WDFY4: variants seen among roughly 807,000 people sequenced by gnomAD.
WDFY4 encodes WD repeat- and FYVE domain-containing protein 4.
In WDFY4, 169 loss-of-function variants were observed where a neutral mutation model predicts 351.9. The observed-to-expected ratio is 0.48, with a 90% CI of 0.42 to 0.55. WDFY4 has a LOEUF of 0.55. Ranked by LOEUF, WDFY4 falls within the 20% of genes least tolerant of loss-of-function variation. The pLI, the probability that WDFY4 is intolerant of heterozygous loss-of-function variation, is 0.00. For missense variants in WDFY4, 3,803 were observed against 3,935.6 expected (o/e 0.97, Z 0.90); for synonymous variants, 1,622 against 1,574.6 (o/e 1.03, Z -0.71).
intron 47 of WDFY4, among the ~76,000 whole-genome samples, chr10:48,903,830 G>A (rs973385736): frequency 6.6e-5 from 10 of 152,342 alleles, no homozygotes; most frequent in Middle Eastern, 3.4e-3. Flanking sequence ...TTAAAGTGAT[G>A]AGAATGGGCA....
At chr10:48,851,724 G>A (rs565431515) in intron 39 of WDFY4, among the ~76,000 whole-genome samples, 3 of 152,234 alleles carry the variant, frequency 2.0e-5, no homozygotes, top group African/African-American at 4.8e-5. Flanking sequence ...TGTTTCCTGC[G>A]GGACAGCTTG....
At chr10:48,733,225 C>T (rs2064529623) in intron 9 of WDFY4, among the ~76,000 whole-genome samples, 1 of 152,168 alleles carries the variant, frequency 6.6e-6, no homozygotes, top group East Asian at 1.9e-4. Context: ...TCTAGTCTTA[C>T]TTCATACTTT....
At chr10:48,690,275 A>G (rs1313246303) in intron 1 of WDFY4, among the ~76,000 whole-genome samples, 2 of 152,220 alleles carry the variant, frequency 1.3e-5, no homozygotes, top group African/African-American at 2.4e-5. Flanking sequence ...TAGGTCTGAT[A>G]CTTTAAGGAA....
In WDFY4 at chr10:48,865,123, T is replaced by A. The variant is rs189316786; in HGVS notation, c.6664-2142T>A. Among the ~76,000 whole-genome samples, 204 of 152,326 alleles carry A rather than the reference T, an allele frequency of 1.3e-3. 3 individuals are homozygous for A. The East Asian group carries it at 0.028, about 21-fold the overall frequency. The stretch of plus-strand genomic sequence containing the variant: ...TGTCTAGAAGTGTTGAAAGTGGACA[T>A]CCTTGTCTTGTTCCTGATGTTAAGG... On this transcript the variant is annotated intron_variant, in intron 39 of 61. Transcript: ENST00000325239.
At chr10:48,700,206 CT>C (rs2063440567) in intron 1 of WDFY4, among the ~76,000 whole-genome samples, 1 of 152,216 alleles carries the variant, frequency 6.6e-6, no homozygotes, top group Non-Finnish European at 1.5e-5. Flanking sequence ...TCAATCAGCT[CT>C]TTCCCCAAGG....
intron 36 of WDFY4, among the ~76,000 whole-genome samples, chr10:48,828,147 A>G (rs1163265854): frequency 1.3e-5 from 2 of 152,244 alleles, no homozygotes; most frequent in African/African-American, 4.8e-5. Flanking sequence ...TTTGTGTCAT[A>G]ATGGCCACGT....
At chr10:48,865,226 T>C (rs983673419) in intron 39 of WDFY4, among the ~76,000 whole-genome samples, 3 of 152,190 alleles carry the variant, frequency 2.0e-5, no homozygotes, top group Admixed American at 6.5e-5. Flanking sequence ...CTTTATGAGA[T>C]TGAGAAAATT....
rs11814438 is a variant in WDFY4, at chr10:48,737,503, G to A, written c.1878+1433G>A. ...ACTTACTTTATTTCTCTGCACATTC[G>A]ATGTCAGACATTGATGTGAGCTGTT... On this transcript the variant is annotated intron_variant, in intron 11 of 61. Coordinates refer to ENST00000325239, the MANE Select transcript of WDFY4 (RefSeq NM_001394531.1). Among the ~76,000 whole-genome samples the A allele has an allele frequency of 4.3e-3, 658 of 152,228 alleles. 6 individuals are homozygous for A. The highest frequency in any genetic ancestry group is 0.015 in the African/African-American group (622 of 41,510).
intron 47 of WDFY4, among the ~76,000 whole-genome samples, chr10:48,905,260 AG>A: frequency 6.6e-6 from 1 of 152,280 alleles, no homozygotes; most frequent in Admixed American, 6.5e-5. Context: ...CAGGTAGAGG[AG>A]GGGCAGAGGG....
chr10:48,885,728 C>G (rs1187911366), intron 43 of WDFY4, among the ~76,000 whole-genome samples: 14 of 135,604 alleles, frequency 1.0e-4, no homozygotes, highest in Non-Finnish European at 2.3e-4. Flanking sequence ...CTCTCTCTCT[C>G]TCTCTCTATA....
intron 47 of WDFY4, among the ~76,000 whole-genome samples, chr10:48,922,282 T>C (rs1052295392): frequency 1.3e-5 from 2 of 152,218 alleles, no homozygotes; most frequent in African/African-American, 2.4e-5. Flanking sequence ...TCATCCCTTT[T>C]TCCAGTGGAT....
At chr10:48,800,670 GTTTCTTTCTTTC>G (rs59039598) in intron 24 of WDFY4, among the ~76,000 whole-genome samples, 1,154 of 115,246 alleles carry the variant, frequency 0.01, 17 homozygotes, top group African/African-American at 0.016. Context: ...TTAGGTTTTG[GTTTCTTTCTTTC>G]TTTCTTTCTT....
At chr10:48,739,411 A>G (rs2064780416) in intron 11 of WDFY4, among the ~76,000 whole-genome samples, 1 of 152,238 alleles carries the variant, frequency 6.6e-6, no homozygotes, top group Non-Finnish European at 1.5e-5. Flanking sequence ...TCCCCTCCGC[A>G]GACTGAAAAC....
chr10:48,957,843 T>C (rs536938230), intron 52 of WDFY4, among the ~76,000 whole-genome samples: 1 of 152,196 alleles, frequency 6.6e-6, no homozygotes, highest in East Asian at 1.9e-4. Context: ...GAACAAACAA[T>C]CTAGGAGACC....
intron 8 of WDFY4, among the ~76,000 whole-genome samples, chr10:48,729,808 A>C (rs2064394639): frequency 6.6e-6 from 1 of 152,136 alleles, no homozygotes; most frequent in South Asian, 2.1e-4. Flanking sequence ...GGCAGCCTCT[A>C]CTTCTCTCCC....
In WDFY4 at chr10:48,788,623, C is replaced by A. The variant is rs182080956; in HGVS notation, c.3902C>A (p.Ala1301Glu). The change falls in exon 21 of 62, where the codon GCG (alanine) becomes GAG (glutamate). Residue 1301 changes from alanine to glutamate, a missense_variant. Ala to Glu is a moderately radical substitution (Grantham distance 107, BLOSUM62 -1). Around this residue, in one of 3 missense-constraint regions of WDFY4, gnomAD observed 3,054 missense variants for 3,148.6 expected, o/e 0.97. Transcript: ENST00000325239. ...GCCAGCTCCTCTATCACCAGTGTAG[C>A]GGACATCAGAAATGCTTACAATGAG... ...HIASSSITSVADIRNAYNEVD... is the reference protein window; with the variant it reads ...HIASSSITSVEDIRNAYNEVD... The A allele has an allele frequency of 6.4e-7, 1 of 1,551,754 alleles. No homozygotes were observed. The highest frequency in any genetic ancestry group is 1.2e-5 in the South Asian group (1 of 84,064).
chr10:48,897,625 T>C (rs373043221), intron 45 of WDFY4, 51 bp downstream of exon 45: 62 of 1,529,370 alleles, frequency 4.1e-5, no homozygotes, highest in African/African-American at 5.5e-5. Context: ...GGCAGGGCCA[T>C]GGGACAGGTG....
chr10:48,811,981 G>T (rs1290658369), intron 30 of WDFY4, among the ~76,000 whole-genome samples: 1 of 151,984 alleles, frequency 6.6e-6, no homozygotes, highest in African/African-American at 2.4e-5. Context: ...TTCCTTTTGG[G>T]CACAGCTAGG....
At chr10:48,830,980 C>T in intron 38 of WDFY4, 95 bp downstream of exon 38, 2 of 1,236,680 alleles carry the variant, frequency 1.6e-6, no homozygotes, top group South Asian at 1.6e-5. Flanking sequence ...GCCTTTTCCA[C>T]CTGGACCCTC....
Sources: gnomAD v4.1 joint callset for allele counts (sites outside exome capture counted in the v4.1 genomes callset) on GRCh38, gnomAD v4.1.1 for gene constraint, gnomAD v4.1.1 regional missense constraint, MANE v1.5 for transcripts, NCBI Gene and HGNC (gene_info 2026-07-23, HGNC 2026-07-21) for gene names.